The following IMMP2L variants were observed in gnomAD, a reference collection of about 807,000 sequenced individuals.
IMMP2L encodes the protein mitochondrial inner membrane protease subunit 2.
IMMP2L carries 18 observed loss-of-function variants against 19.3 expected under a neutral mutation model. The ratio of observed to expected loss-of-function variants is 0.93; its 90% CI spans 0.64 to 1.38. IMMP2L has a LOEUF of 1.38. Among genes scored for constraint, IMMP2L ranks in the 40% most tolerant of loss-of-function variants. The probability of loss-of-function intolerance (pLI) is 0.00; values close to 1 mark genes in which losing one functional copy is unlikely to be tolerated. For synonymous variants in IMMP2L, 76 were observed against 73.0 expected, an observed-to-expected ratio of 1.04 and a Z score of -0.21; for missense variants, 233 against 218.2, an observed-to-expected ratio of 1.07 and a Z score of -0.43.
chr7:110,841,051 A>C (rs1265891047), intron 5 of IMMP2L, among the ~76,000 whole-genome samples: 3 of 152,034 alleles, frequency 2.0e-5, no homozygotes, highest in Admixed American at 6.6e-5. Flanking sequence ...GGGGCCATTC[A>C]ATAAACTTGA....
intron 3 of IMMP2L, among the ~76,000 whole-genome samples, chr7:111,024,204 A>T (rs1400551773): frequency 1.3e-5 from 2 of 152,206 alleles, no homozygotes; most frequent in Non-Finnish European, 2.9e-5. Context: ...AGCTTTATTA[A>T]GCTATAATAT....
At chr7:111,311,702 T>C (rs546901791) in intron 3 of IMMP2L, among the ~76,000 whole-genome samples, 2 of 152,140 alleles carry the variant, frequency 1.3e-5, no homozygotes, top group Non-Finnish European at 2.9e-5. Flanking sequence ...GGTGAGGAAA[T>C]GAGTTTTCTG....
intron 3 of IMMP2L, among the ~76,000 whole-genome samples, chr7:111,406,266 T>C (rs543464903): frequency 8.5e-5 from 13 of 152,190 alleles, no homozygotes; most frequent in African/African-American, 3.1e-4. Context: ...ATTTCTCTCA[T>C]ACTCCATATC....
chr7:110,894,148 G>A (rs149575064), intron 4 of IMMP2L, among the ~76,000 whole-genome samples: 113 of 152,208 alleles, frequency 7.4e-4, no homozygotes, highest in Non-Finnish European at 1.4e-3. Flanking sequence ...TGTCATTCAT[G>A]CCAAACCCCC....
intron 5 of IMMP2L, among the ~76,000 whole-genome samples, chr7:110,804,761 A>G (rs1035763792): frequency 6.6e-6 from 1 of 152,130 alleles, no homozygotes; most frequent in Non-Finnish European, 1.5e-5. Flanking sequence ...ATACCAAAGT[A>G]GCAGCAATCC....
chr7:111,220,581 G>GATGC (rs979164629), intron 3 of IMMP2L, among the ~76,000 whole-genome samples: 5 of 102,588 alleles, frequency 4.9e-5, no homozygotes, highest in African/African-American at 2.0e-4. Flanking sequence ...AAACATGATG[G>GATGC]ATGGATGGAT....
intron 1 of IMMP2L, among the ~76,000 whole-genome samples, chr7:111,537,598 C>T (rs1053090074): frequency 5.8e-5 from 8 of 138,024 alleles, no homozygotes; most frequent in Non-Finnish European, 1.1e-4. Flanking sequence ...TGCCGTGGTG[C>T]GACCTCAGCT....
At chr7:110,754,865 TCG>T (rs1797944730) in intron 5 of IMMP2L, among the ~76,000 whole-genome samples, 1 of 151,960 alleles carries the variant, frequency 6.6e-6, no homozygotes. Context: ...AACGTGGCCC[TCG>T]GAGAACCAGG....
At chr7:110,717,680 C>G (rs1795314157) in intron 5 of IMMP2L, among the ~76,000 whole-genome samples, 1 of 152,164 alleles carries the variant, frequency 6.6e-6, no homozygotes, top group Admixed American at 6.5e-5. Flanking sequence ...GAAGGAATCA[C>G]TTATAGTGGC....
chr7:111,077,228 G>T (rs1392547527), intron 3 of IMMP2L, among the ~76,000 whole-genome samples: 1 of 152,182 alleles, frequency 6.6e-6, no homozygotes, highest in Non-Finnish European at 1.5e-5. Flanking sequence ...TAAATGACTA[G>T]GGCTGATGAG....
chr7:110,961,147 A>G (rs752718572), intron 4 of IMMP2L, among the ~76,000 whole-genome samples: 6 of 151,930 alleles, frequency 3.9e-5, no homozygotes, highest in Admixed American at 3.9e-4. Flanking sequence ...AAAGTTAAAC[A>G]TGAACCTACC....
At chr7:110,874,099 G>A (rs1289754535) in intron 5 of IMMP2L, among the ~76,000 whole-genome samples, 1 of 152,086 alleles carries the variant, frequency 6.6e-6, no homozygotes, top group Non-Finnish European at 1.5e-5. Flanking sequence ...TGCATGATTT[G>A]TGATGTTTTT....
At chr7:111,409,155 T>C (rs889916305) in intron 3 of IMMP2L, among the ~76,000 whole-genome samples, 4 of 151,780 alleles carry the variant, frequency 2.6e-5, no homozygotes, top group African/African-American at 9.7e-5. Context: ...TTTTTGTGTA[T>C]TGATTACACA....
intron 5 of IMMP2L, among the ~76,000 whole-genome samples, chr7:110,864,366 T>A (rs1267768766): frequency 6.6e-6 from 1 of 152,046 alleles, no homozygotes; most frequent in African/African-American, 2.4e-5. Context: ...ATGAATGTGT[T>A]CAAATATACA....
chr7:111,130,179 A>G (rs567521689), intron 3 of IMMP2L, among the ~76,000 whole-genome samples: 1 of 152,278 alleles, frequency 6.6e-6, no homozygotes, highest in East Asian at 1.9e-4. Context: ...AGCATATACC[A>G]ACGAAGGGTG....
At chr7:111,006,270 A>T (rs1824282459) in intron 3 of IMMP2L, among the ~76,000 whole-genome samples, 1 of 152,178 alleles carries the variant, frequency 6.6e-6, no homozygotes, top group Non-Finnish European at 1.5e-5. Context: ...CTCTTGACTC[A>T]ATGTGAAAAA....
chr7:111,325,961 C>T (rs1334508240), intron 3 of IMMP2L, among the ~76,000 whole-genome samples: 1 of 151,602 alleles, frequency 6.6e-6, no homozygotes, highest in African/African-American at 2.4e-5. Context: ...TTGCCTATAA[C>T]TGAATTGTGA....
intron 3 of IMMP2L, among the ~76,000 whole-genome samples, chr7:111,374,016 C>G (rs1356017957): frequency 1.8e-4 from 28 of 151,522 alleles, no homozygotes; most frequent in Admixed American, 1.8e-3. Flanking sequence ...GGTAGGTTTG[C>G]TCTGACCCTT....
intron 3 of IMMP2L, among the ~76,000 whole-genome samples, chr7:111,128,835 G>A (rs2129592737): frequency 6.6e-6 from 1 of 152,162 alleles, no homozygotes; most frequent in African/African-American, 2.4e-5. Context: ...AAAAAAAGAG[G>A]CATATTTAGT....
Sources: allele counts gnomAD v4.1 joint callset (sites outside exome capture counted in the v4.1 genomes callset), GRCh38; gene constraint gnomAD v4.1.1; transcripts MANE v1.5; gene names NCBI Gene and HGNC (gene_info 2026-07-23, HGNC 2026-07-21).